The following PIK3CB variants were observed in gnomAD, a reference collection of about 807,000 sequenced individuals.
PIK3CB encodes phosphatidylinositol-4,5-bisphosphate 3-kinase catalytic subunit beta, also known as phosphatidylinositol 4,5-bisphosphate 3-kinase catalytic subunit beta isoform.
A neutral mutation model predicts 136.8 loss-of-function variants in PIK3CB; 39 were observed. That is an observed-to-expected ratio of 0.29 (90% CI 0.22 to 0.37). The LOEUF (loss-of-function observed/expected upper bound fraction) is 0.37, where lower values mean the gene tolerates loss of function less well. Among genes scored for constraint, PIK3CB ranks in the 10% least tolerant of loss-of-function variants. The probability of loss-of-function intolerance (pLI) is 1.00; values close to 1 mark genes in which losing one functional copy is unlikely to be tolerated. For synonymous variants in PIK3CB, 428 were observed against 436.6 expected (o/e 0.98, Z 0.25); for missense variants, 868 against 1,275.4 (o/e 0.68, Z 4.87).
At chr3:138,711,426 A>C (rs969126199) in intron 10 of PIK3CB, among the ~76,000 whole-genome samples, 2 of 151,818 alleles carry the variant, frequency 1.3e-5, no homozygotes, top group Non-Finnish European at 2.9e-5. Context: ...CTAAAAATAC[A>C]AAATTAGCTG....
rs1370315794 is a variant in PIK3CB at position 138,699,039 on chromosome 3, G to A, written c.1638C>T (p.Pro546=). ...PVLKEILDRD[P]LSQLCENEMD... Reference sequence around the variant, plus strand: ...TTTCATTTTCACACAGTTGAGACAAGGGATCCCTGTCCAAGATTTCTTTCA... The same window carrying A: ...TTTCATTTTCACACAGTTGAGACAAAGGATCCCTGTCCAAGATTTCTTTCA... The change falls in exon 13 of 24, where the codon CCC becomes CCT. Residue 546 remains proline (P), a synonymous_variant. Transcript: ENST00000674063. 1.3e-6 allele frequency: 2 copies of A among 1,599,780 alleles called. No individual in the cohort carries two copies. Among genetic ancestry groups the A allele is most frequent in the African/African-American group, 1.3e-5 (1 of 74,636 alleles).
intron 4 of PIK3CB, among the ~76,000 whole-genome samples, chr3:138,749,876 GTTTT>G (rs550167803): frequency 6.6e-6 from 1 of 152,008 alleles, no homozygotes. Flanking sequence ...ATGTGATAGA[GTTTT>G]TTTGTTTGTT....
chr3:138,668,719 A>C (rs964112091), intron 19 of PIK3CB, among the ~76,000 whole-genome samples: 1 of 152,208 alleles, frequency 6.6e-6, no homozygotes, highest in African/African-American at 2.4e-5. Flanking sequence ...ATGGGGTAGA[A>C]GTACAATTTT....
intron 8 of PIK3CB, among the ~76,000 whole-genome samples, chr3:138,730,008 T>G (rs1464223596): frequency 6.6e-6 from 1 of 152,162 alleles, no homozygotes; most frequent in East Asian, 1.9e-4. Context: ...CAGATTTTGC[T>G]TTAACATTCT....
chr3:138,773,944 T>G (rs1362295557), intron 2 of PIK3CB, among the ~76,000 whole-genome samples: 2 of 152,188 alleles, frequency 1.3e-5, no homozygotes, highest in Non-Finnish European at 2.9e-5. Flanking sequence ...CGTTTTAAGG[T>G]AAAAATGATT....
chr3:138,792,810 C>T (rs2046067355), intron 2 of PIK3CB, among the ~76,000 whole-genome samples: 1 of 152,012 alleles, frequency 6.6e-6, no homozygotes, highest in Non-Finnish European at 1.5e-5. Flanking sequence ...CAGGGTCATA[C>T]TCTGTTGCCC....
chr3:138,749,028 A>C (rs527916470), intron 4 of PIK3CB, among the ~76,000 whole-genome samples: 1 of 152,178 alleles, frequency 6.6e-6, no homozygotes, highest in Non-Finnish European at 1.5e-5. Context: ...CAAAGGTATA[A>C]CACAGCAAAG....
intron 1 of PIK3CB, among the ~76,000 whole-genome samples, chr3:138,808,750 CTATA>C (rs1004136290): frequency 1.7e-4 from 25 of 150,068 alleles, no homozygotes; most frequent in Admixed American, 1.0e-3. Flanking sequence ...CTCTCTCTCT[CTATA>C]TATATATACA....
intron 13 of PIK3CB, among the ~76,000 whole-genome samples, chr3:138,698,378 G>T (rs1398272104): frequency 6.6e-6 from 1 of 152,086 alleles, no homozygotes; most frequent in Non-Finnish European, 1.5e-5. Context: ...TTAAATCAGG[G>T]AACTAAAATT....
chr3:138,674,067 T>C (rs1289475089), intron 19 of PIK3CB, among the ~76,000 whole-genome samples: 1 of 152,028 alleles, frequency 6.6e-6, no homozygotes, highest in African/African-American at 2.4e-5. Context: ...AAATAACAGT[T>C]GGGGGAACCA....
At chr3:138,771,118 C>T (rs1038057720) in intron 2 of PIK3CB, among the ~76,000 whole-genome samples, 1 of 152,046 alleles carries the variant, frequency 6.6e-6, no homozygotes, top group Non-Finnish European at 1.5e-5. Flanking sequence ...CTACCCCCGA[C>T]GTTGCTCAAA....
chr3:138,820,838 G>A (rs150642475), intron 1 of PIK3CB, among the ~76,000 whole-genome samples: 2,672 of 152,224 alleles, frequency 0.018, 248 homozygotes, highest in Admixed American at 0.15. Flanking sequence ...TTCAATCATA[G>A]GAACGTCCTA....
At chr3:138,746,906 G>A (rs991697124) in intron 4 of PIK3CB, among the ~76,000 whole-genome samples, 2 of 150,394 alleles carry the variant, frequency 1.3e-5, no homozygotes, top group Non-Finnish European at 3.0e-5. Flanking sequence ...AAAAGTGCAA[G>A]GTTTAGCACC....
At chr3:138,789,699 C>CT (rs71626079) in intron 2 of PIK3CB, among the ~76,000 whole-genome samples, 78,507 of 145,402 alleles carry the variant, frequency 0.54, 21,991 homozygotes, top group East Asian at 0.98. Flanking sequence ...ATTATTCAGC[C>CT]TTTTTTTTTT....
chr3:138,825,418 G>A (rs1392459571), intron 1 of PIK3CB: 2 of 667,708 alleles, frequency 3.0e-6, no homozygotes, highest in Non-Finnish European at 5.4e-6. Context: ...GGATTCCACT[G>A]AGCCACCCTA....
chr3:138,705,837 G>C (rs76778888), intron 11 of PIK3CB, among the ~76,000 whole-genome samples: 4,845 of 152,170 alleles, frequency 0.032, 260 homozygotes, highest in African/African-American at 0.11. Context: ...ACTGCAGTCT[G>C]AAATTCCTGG....
In PIK3CB at chr3:138,802,549, GAAA is replaced by G. The variant is rs59622228; in HGVS notation, c.-121-5985_-121-5983del. Among the ~76,000 whole-genome samples the G allele has an allele frequency of 2.0e-5, 3 of 147,140 alleles. 1 individual carries two copies. Among genetic ancestry groups the G allele is most frequent in the African/African-American group, 7.4e-5 (3 of 40,366 alleles). On this transcript the variant is annotated intron_variant, in intron 1 of 23. Coordinates refer to ENST00000674063, the MANE Select transcript of PIK3CB (RefSeq NM_006219.3). The stretch of plus-strand genomic sequence containing the variant: ...AAACTCCATTGTTAATTTGTGAGGG[GAAA>G]AAAAAAAAGAGAGAAAAAAGGGCAA...
chr3:138,754,591 C>T (rs973280877), intron 4 of PIK3CB, among the ~76,000 whole-genome samples: 5 of 152,076 alleles, frequency 3.3e-5, no homozygotes, highest in Admixed American at 3.3e-4. Flanking sequence ...TAACTATAAA[C>T]TTGTTAACTG....
intron 14 of PIK3CB, among the ~76,000 whole-genome samples, chr3:138,693,939 A>ATATATATATATATATATATATATATAT (rs1275759528): frequency 1.1e-4 from 2 of 18,832 alleles, no homozygotes; most frequent in Non-Finnish European, 2.0e-4. Context: ...TGCTTAAAAT[A>ATATATATATATATATATATATATATAT]TATATATATA....
Sources: gnomAD v4.1 joint callset for allele counts (sites outside exome capture counted in the v4.1 genomes callset) on GRCh38, gnomAD v4.1.1 for gene constraint, MANE v1.5 for transcripts, NCBI Gene and HGNC (gene_info 2026-07-23, HGNC 2026-07-21) for gene names.